GPM6B: variants seen among roughly 807,000 people sequenced by gnomAD.
GPM6B encodes the protein neuronal membrane glycoprotein M6-b.
GPM6B carries 4 observed loss-of-function variants against 27.2 expected under a neutral mutation model. The observed-to-expected ratio is 0.15, with a 90% confidence interval of 0.07 to 0.34. The LOEUF (loss-of-function observed/expected upper bound fraction) is 0.34, where lower values mean the gene tolerates loss of function less well. GPM6B is among the 10% of genes least tolerant of loss of function. The probability of loss-of-function intolerance (pLI) is 1.00; values close to 1 mark genes in which losing one functional copy is unlikely to be tolerated. For missense variants in GPM6B, 183 were observed against 261.9 expected (o/e 0.70, Z 2.08); for synonymous variants, 124 against 103.1 (o/e 1.20, Z -1.23).
chrX:13,929,726 A>G (rs1921390780), intron 1 of GPM6B, among the ~76,000 whole-genome samples: 1 of 111,726 alleles, frequency 9.0e-6, no homozygotes, highest in African/African-American at 3.3e-5. Flanking sequence ...TAGTATGTAG[A>G]GAACACAGAT....
At chrX:13,883,974 A>G (rs1022477873) in intron 1 of GPM6B, among the ~76,000 whole-genome samples, 1 of 112,125 alleles carries the variant, frequency 8.9e-6, no homozygotes, top group Non-Finnish European at 1.9e-5. Context: ...TCAGGAGTTC[A>G]AGACCAGCAT....
chrX:13,849,144 C>A (rs2049684543), intron 1 of GPM6B, among the ~76,000 whole-genome samples: 1 of 111,429 alleles, frequency 9.0e-6, no homozygotes, highest in Non-Finnish European at 1.9e-5. Context: ...TAAATTATAC[C>A]CAAATACAAT....
intron 1 of GPM6B, among the ~76,000 whole-genome samples, chrX:13,848,694 T>C (rs181431135): frequency 1.8e-5 from 2 of 111,903 alleles, no homozygotes; most frequent in East Asian, 5.6e-4. Context: ...TACGGAAGTT[T>C]CTCAAAAAGT....
At chrX:13,878,278 C>G (rs1212238862) in intron 1 of GPM6B, among the ~76,000 whole-genome samples, 2 of 109,187 alleles carry the variant, frequency 1.8e-5, no homozygotes, top group Non-Finnish European at 3.8e-5. Flanking sequence ...TTTCCTCTCC[C>G]CTACCCTTTC....
chrX:13,817,185 G>A, upstream of GPM6B: 1 of 901,968 alleles, frequency 1.1e-6, no homozygotes, highest in Non-Finnish European at 1.4e-6. Flanking sequence ...GCGCCCGGTG[G>A]TGCCTACAGT....
At chrX:13,824,671 T>C (rs2049350908) in intron 1 of GPM6B, among the ~76,000 whole-genome samples, 2 of 111,365 alleles carry the variant, frequency 1.8e-5, no homozygotes, top group Admixed American at 1.9e-4. Context: ...GAGGCAGAAA[T>C]GAAAAGCTGG....
chrX:13,843,898 G>C (rs1480106930), intron 1 of GPM6B, among the ~76,000 whole-genome samples: 1 of 111,658 alleles, frequency 9.0e-6, no homozygotes, highest in Non-Finnish European at 1.9e-5. Context: ...CAGCTCAATA[G>C]TTTTTAATTC....
chrX:13,808,340 TTC>T (rs2049062039), intron 1 of GPM6B, among the ~76,000 whole-genome samples: 1 of 112,267 alleles, frequency 8.9e-6, no homozygotes, highest in African/African-American at 3.2e-5. Context: ...TTAAATCCTG[TTC>T]CAATTTTCTC....
chrX:13,804,417 CG>C (rs759066177), intron 2 of GPM6B, among the ~76,000 whole-genome samples: 2 of 7,739 alleles, frequency 2.6e-4, no homozygotes, highest in Non-Finnish European at 6.5e-4. Flanking sequence ...TCATGGACGG[CG>C]GGGGGGGCGG....
chrX:13,906,608 T>C (rs928372591), intron 1 of GPM6B, among the ~76,000 whole-genome samples: 3 of 112,571 alleles, frequency 2.7e-5, no homozygotes, highest in South Asian at 3.6e-4. Flanking sequence ...GTAACTCATA[T>C]CTTTCAAACC....
chrX:13,811,650 G>A (rs1252456338), intron 1 of GPM6B, among the ~76,000 whole-genome samples: 2 of 112,062 alleles, frequency 1.8e-5, no homozygotes, highest in Non-Finnish European at 3.8e-5. Context: ...AGTTACAACA[G>A]ACACTGAGTG....
chrX:13,931,404 C>T (rs888270800), intron 1 of GPM6B, among the ~76,000 whole-genome samples: 124 of 108,932 alleles, frequency 1.1e-3, no homozygotes, highest in African/African-American at 3.7e-3. Context: ...GAGAGAATGG[C>T]GTGAACCCAG....
chrX:13,791,927 C>CA (rs2147144132), intron 2 of GPM6B, among the ~76,000 whole-genome samples: 1 of 111,012 alleles, frequency 9.0e-6, no homozygotes, highest in South Asian at 3.8e-4. Context: ...CCCCAACAAA[C>CA]ACCACACAAA....
At chrX:13,838,523 C>T (rs1006699056) in intron 1 of GPM6B, among the ~76,000 whole-genome samples, 4 of 112,062 alleles carry the variant, frequency 3.6e-5, no homozygotes, top group Admixed American at 9.4e-5. Flanking sequence ...TAAAGTGGCA[C>T]CTTCTTCATA....
At chrX:13,791,979 A>C (rs2048722389) in intron 2 of GPM6B, among the ~76,000 whole-genome samples, 1 of 111,411 alleles carries the variant, frequency 9.0e-6, no homozygotes, top group African/African-American at 3.3e-5. Flanking sequence ...CTTCCTTGCT[A>C]TATTACTGAT....
chrX:13,928,259 C>T (rs1921305949), intron 1 of GPM6B, among the ~76,000 whole-genome samples: 1 of 112,288 alleles, frequency 8.9e-6, no homozygotes. Context: ...TAATCTATAA[C>T]TGCTGGTTAC....
In GPM6B at chrX:13,790,106, G is replaced by A. The variant is rs765592941; in HGVS notation, c.182-4298C>T. 6.3e-5 allele frequency among the ~76,000 whole-genome samples: 7 copies of A among 111,735 alleles called. No individual in the cohort carries two copies. The South Asian group carries it at 1.1e-3, about 18-fold the overall frequency. ...TGGGCTCAAGTGATCCTCCCGCCTC[G>A]GCCTCCCAAAGTGCTGCAATTACAG... On this transcript the variant is annotated intron_variant, in intron 2 of 7. Coordinates refer to ENST00000316715, the MANE Select transcript of GPM6B (RefSeq NM_001001995.3).
intron 2 of GPM6B, among the ~76,000 whole-genome samples, chrX:13,799,045 G>C (rs1041544817): frequency 2.7e-5 from 3 of 111,437 alleles, no homozygotes; most frequent in Middle Eastern, 4.6e-3. Context: ...TCTGGATGTG[G>C]CTTCGGAATT....
chrX:13,918,923 G>C (rs778940743), intron 1 of GPM6B, among the ~76,000 whole-genome samples: 2 of 112,028 alleles, frequency 1.8e-5, no homozygotes, highest in East Asian at 5.6e-4. Flanking sequence ...CAATGCTGGG[G>C]ATTACATTTC....
Sources: gnomAD v4.1 joint callset for allele counts (sites outside exome capture counted in the v4.1 genomes callset) on GRCh38, gnomAD v4.1.1 for gene constraint, MANE v1.5 for transcripts, NCBI Gene and HGNC (gene_info 2026-07-23, HGNC 2026-07-21) for gene names.